GALNT7: variants seen among roughly 807,000 people sequenced by gnomAD.
GALNT7 encodes the protein polypeptide N-acetylgalactosaminyltransferase 7.
In GALNT7, 60 loss-of-function variants were observed where a neutral mutation model predicts 82.1. The ratio of observed to expected loss-of-function variants is 0.73; its 90% confidence interval spans 0.59 to 0.91. GALNT7 has a LOEUF of 0.91. GALNT7 is among the 40% of genes least tolerant of loss of function. The probability of loss-of-function intolerance (pLI) is 0.00; values close to 1 mark genes in which losing one functional copy is unlikely to be tolerated. For missense variants in GALNT7, 660 were observed against 804.2 expected (o/e 0.82, Z 2.17); for synonymous variants, 243 against 275.1 (o/e 0.88, Z 1.15).
intron 1 of GALNT7, among the ~76,000 whole-genome samples, chr4:173,193,147 C>T (rs992525700): frequency 3.3e-5 from 5 of 152,200 alleles, no homozygotes; most frequent in Non-Finnish European, 5.9e-5. Context: ...CAAAAAGGCT[C>T]GGCCTCTGCC....
intron 8 of GALNT7, among the ~76,000 whole-genome samples, chr4:173,310,571 T>C (rs1737345054): frequency 6.6e-6 from 1 of 152,178 alleles, no homozygotes. Context: ...AAGGGTAAAA[T>C]TCAAAGTTCT....
At chr4:173,268,210 C>A (rs1426966747) in intron 2 of GALNT7, 3 of 154,386 alleles carry the variant, frequency 1.9e-5, no homozygotes, top group Non-Finnish European at 2.9e-5. Flanking sequence ...ATGACAAAAA[C>A]CACAATTACT....
At chr4:173,223,528 T>C (rs1180006230) in intron 1 of GALNT7, among the ~76,000 whole-genome samples, 4 of 152,096 alleles carry the variant, frequency 2.6e-5, no homozygotes, top group African/African-American at 4.8e-5. Flanking sequence ...GTTATGCATA[T>C]TTTCTTTAGG....
In GALNT7 at chr4:173,302,888, A is replaced by G. The variant is rs1254411449; in HGVS notation, c.1266+724A>G. On this transcript the variant is annotated intron_variant, in intron 7 of 11. Coordinates refer to ENST00000265000, the MANE Select transcript of GALNT7 (RefSeq NM_017423.3). This position sits in a 1 kb window ranked among gnomAD's most constrained non-coding sequence, Gnocchi z 4.2. ...TAAATTCATAATACAAGAAGGCAGAATGGCATTCAGTTGGTGTGCTTAAAA... is the reference window on the plus strand; with the variant it reads ...TAAATTCATAATACAAGAAGGCAGAGTGGCATTCAGTTGGTGTGCTTAAAA... Among the ~76,000 whole-genome samples the G allele has an allele frequency of 6.6e-6, 1 of 152,250 alleles. No individual in the cohort carries two copies. The highest frequency in any genetic ancestry group is 1.5e-5 in the Non-Finnish European group (1 of 68,030).
chr4:173,290,045 T>C (rs1346297593), intron 2 of GALNT7, among the ~76,000 whole-genome samples: 1 of 152,182 alleles, frequency 6.6e-6, no homozygotes, highest in Non-Finnish European at 1.5e-5. Context: ...GGAGCCGCTG[T>C]TATGTGTTAT....
In GALNT7 at chr4:173,318,527, C is replaced by T; in HGVS notation, c.1804C>T (p.Leu602=). The change falls in exon 11 of 12, where the codon CTA becomes TTA. Residue 602 remains leucine, a synonymous_variant. Transcript: ENST00000265000. ...GSKVMITHCN[L]NEFKEWQYFK... ...AAAAGTTATGATTACACACTGTAAT[C>T]TAAATGAATTTAAGGAATGGCAGTA... is the stretch of plus-strand genomic sequence containing the variant. The T allele has an allele frequency of 6.4e-7, 1 of 1,571,998 alleles. No homozygotes were observed. The highest frequency in any genetic ancestry group is 8.7e-7 in the Non-Finnish European group (1 of 1,143,300).
intron 2 of GALNT7, among the ~76,000 whole-genome samples, chr4:173,270,511 A>G (rs1383197488): frequency 6.6e-6 from 1 of 152,238 alleles, no homozygotes; most frequent in African/African-American, 2.4e-5. Flanking sequence ...CAAGATCACC[A>G]TAGAGGTCAG....
At position 173,199,662 on chromosome 4, in the gene GALNT7, C is replaced by T. The variant is rs548077135; in HGVS notation, c.126+30701C>T. ...TACCCAGCAAAGAGATTAAAACTTG[C>T]TTCATCTGTTTTCTACCCAATTTAA... is the stretch of plus-strand genomic sequence containing the variant. On this transcript the variant is annotated intron_variant, in intron 1 of 11. Coordinates refer to ENST00000265000, the MANE Select transcript of GALNT7 (RefSeq NM_017423.3). Among the ~76,000 whole-genome samples, 6 of 152,292 alleles carry T rather than the reference C, an allele frequency of 3.9e-5. No homozygotes were observed. In the South Asian group the frequency reaches 1.2e-3, roughly 32 times the overall value.
Position 173,168,943 on chromosome 4 carries a change from C to G in GALNT7, c.108C>G (p.Ser36Arg). The G allele has an allele frequency of 1.2e-6, 2 of 1,613,660 alleles. No homozygotes were observed. The highest frequency in any genetic ancestry group is 1.7e-6 in the Non-Finnish European group (2 of 1,179,768). Residue 36 changes from serine to arginine, a missense_variant, in exon 1 of 12, where the codon AGC becomes AGG. Coordinates refer to ENST00000265000, the MANE Select transcript of GALNT7 (RefSeq NM_017423.3). ...SSLTPRPDDP[S>R]PLSRMREDRD... ...TGACCCCGCGGCCGGACGACCCAAGCCCGCTGAGCAGGATGAGGGTGAGTG... is the reference window on the plus strand; with the variant it reads ...TGACCCCGCGGCCGGACGACCCAAGGCCGCTGAGCAGGATGAGGGTGAGTG...
At chr4:173,287,226 A>G (rs1439413931) in intron 2 of GALNT7, among the ~76,000 whole-genome samples, 1 of 152,248 alleles carries the variant, frequency 6.6e-6, no homozygotes, top group Admixed American at 6.5e-5. Context: ...CAAGTTCTCC[A>G]ATATACACAT....
chr4:173,299,308 C>G (rs952293750), intron 6 of GALNT7, among the ~76,000 whole-genome samples: 1 of 151,998 alleles, frequency 6.6e-6, no homozygotes, highest in African/African-American at 2.4e-5. Context: ...TGGTAAATTT[C>G]TTATTCAGAA....
intron 1 of GALNT7, among the ~76,000 whole-genome samples, chr4:173,185,141 G>A (rs765016736): frequency 6.6e-6 from 1 of 152,176 alleles, no homozygotes; most frequent in Non-Finnish European, 1.5e-5. Context: ...AAAAATCACC[G>A]TGCTTTGACA....
At chr4:173,198,107 T>G (rs1732831726) in intron 1 of GALNT7, among the ~76,000 whole-genome samples, 1 of 152,018 alleles carries the variant, frequency 6.6e-6, no homozygotes, top group Non-Finnish European at 1.5e-5. Flanking sequence ...TCACCCAGGC[T>G]GGAGTGCAGT....
At chr4:173,209,716 C>G (rs28546690) in intron 1 of GALNT7, among the ~76,000 whole-genome samples, 3,482 of 151,784 alleles carry the variant, frequency 0.023, 103 homozygotes, top group African/African-American at 0.068. Context: ...TCGTCAGGCT[C>G]CCTCTTTCCC....
intron 8 of GALNT7, among the ~76,000 whole-genome samples, chr4:173,306,188 C>T (rs1187214854): frequency 2.0e-5 from 3 of 152,156 alleles, no homozygotes; most frequent in East Asian, 3.9e-4. Context: ...GATAGACCAC[C>T]GTTAGCATAT....
chr4:173,172,831 A>T (rs1037273305), intron 1 of GALNT7, among the ~76,000 whole-genome samples: 2 of 152,216 alleles, frequency 1.3e-5, no homozygotes, highest in Admixed American at 1.3e-4. Context: ...ATGATGCCAC[A>T]CAGGAAAGCA....
chr4:173,301,830 G>A (rs3775591), intron 6 of GALNT7, among the ~76,000 whole-genome samples: 29,621 of 152,156 alleles, frequency 0.19, 6,355 homozygotes, highest in African/African-American at 0.54. Flanking sequence ...TTTGTAATGA[G>A]CTACAGTTTC....
chr4:173,172,491 C>T (rs1342283730), intron 1 of GALNT7, among the ~76,000 whole-genome samples: 2 of 152,150 alleles, frequency 1.3e-5, no homozygotes, highest in Admixed American at 6.5e-5. Flanking sequence ...TGTTTTCTAT[C>T]TAATGGGAGA....
intron 2 of GALNT7, among the ~76,000 whole-genome samples, chr4:173,285,225 G>A (rs905206098): frequency 3.9e-5 from 6 of 152,082 alleles, no homozygotes; most frequent in African/African-American, 1.4e-4. Flanking sequence ...TACACACCTT[G>A]CATGCAAATC....
Sources: allele counts gnomAD v4.1 joint callset (sites outside exome capture counted in the v4.1 genomes callset), GRCh38; gene constraint gnomAD v4.1.1; non-coding constraint Gnocchi (gnomAD v3.1); transcripts MANE v1.5; gene names NCBI Gene and HGNC (gene_info 2026-07-23, HGNC 2026-07-21).